The following INSR variants were observed in gnomAD, a reference collection of about 807,000 sequenced individuals.
The protein encoded by INSR is IR.
INSR carries 67 observed loss-of-function variants against 142.6 expected under a neutral mutation model. The ratio of observed to expected loss-of-function variants is 0.47; its 90% CI spans 0.39 to 0.58. The LOEUF (loss-of-function observed/expected upper bound fraction) is 0.58. INSR is among the 20% of genes least tolerant of loss of function. INSR has a pLI of 0.00. For synonymous variants in INSR, 756 were observed against 743.1 expected, an observed-to-expected ratio of 1.02 and a Z score of -0.28; for missense variants, 1,248 against 1,833.2, an observed-to-expected ratio of 0.68 and a Z score of 5.83.
At chr19:7,136,242 C>T (rs1016154699) in intron 13 of INSR, among the ~76,000 whole-genome samples, 5 of 152,074 alleles carry the variant, frequency 3.3e-5, no homozygotes, top group Non-Finnish European at 7.3e-5. Context: ...AGGTGAGAGC[C>T]ACTCAAGGGT....
chr19:7,191,141 A>G (rs999176995), intron 2 of INSR, among the ~76,000 whole-genome samples: 1 of 152,080 alleles, frequency 6.6e-6, no homozygotes, highest in Admixed American at 6.6e-5. Flanking sequence ...TACTAAAAAT[A>G]CAAAAATTAT....
intron 13 of INSR, among the ~76,000 whole-genome samples, chr19:7,137,798 CAAAAAA>C (rs1176523364): frequency 9.6e-5 from 4 of 41,482 alleles, no homozygotes; most frequent in African/African-American, 4.1e-4. Context: ...GACTCCATCT[CAAAAAA>C]AAAAAAAAAA....
chr19:7,289,643 G>T (rs1968438496), intron 1 of INSR, among the ~76,000 whole-genome samples: 1 of 151,834 alleles, frequency 6.6e-6, no homozygotes, highest in African/African-American at 2.4e-5. Flanking sequence ...TGACCTCAGG[G>T]GATCCGCCCA....
rs111970844 is a variant in INSR at position 7,206,562 on chromosome 19, T to C, written c.653-21925A>G. On this transcript the variant is annotated intron_variant, in intron 2 of 21. Transcript: ENST00000302850. ...ATTCTCCTAGGAGCGTGAACCCTAT[T>C]GTGAACTGTGCATGCGAGGGATCTG... Among the ~76,000 whole-genome samples, 662 of 152,308 alleles carry C rather than the reference T, an allele frequency of 4.3e-3. 1 individual carries two copies. The highest frequency in any genetic ancestry group is 6.8e-3 in the Non-Finnish European group (461 of 68,026).
chr19:7,275,639 G>C (rs548606531), intron 1 of INSR, among the ~76,000 whole-genome samples: 4 of 151,934 alleles, frequency 2.6e-5, no homozygotes, highest in Non-Finnish European at 4.4e-5. Flanking sequence ...AAAACTTAGC[G>C]GGGTCGGGGG....
At position 7,166,959 on chromosome 19, in the gene INSR, C is replaced by A. The variant is rs2144940921; in HGVS notation, c.1611-555G>T. Among the ~76,000 whole-genome samples, 1 of 148,874 alleles carries A rather than the reference C, an allele frequency of 6.7e-6. No individual in the cohort carries two copies. The highest frequency in any genetic ancestry group is 2.2e-4 in the South Asian group (1 of 4,614). Reference sequence around the variant, plus strand: ...TAAATAAATAAATAAATGCTTGGGACCAGAAGTGTTTTGGATTTTGGATAT... The same window carrying A: ...TAAATAAATAAATAAATGCTTGGGAACAGAAGTGTTTTGGATTTTGGATAT... On this transcript the variant is annotated intron_variant, in intron 7 of 21. Coordinates refer to ENST00000302850, the MANE Select transcript of INSR (RefSeq NM_000208.4). This position sits in a 1 kb window ranked among gnomAD's most constrained non-coding sequence, Gnocchi z 4.1.
intron 2 of INSR, among the ~76,000 whole-genome samples, chr19:7,264,369 CT>C (rs1472702677): frequency 6.6e-6 from 1 of 152,120 alleles, no homozygotes; most frequent in Non-Finnish European, 1.5e-5. Flanking sequence ...GCAACAACAA[CT>C]GAACACCCAG....
intron 2 of INSR, among the ~76,000 whole-genome samples, chr19:7,244,882 T>G (rs1326208612): frequency 6.6e-6 from 1 of 151,858 alleles, no homozygotes; most frequent in Non-Finnish European, 1.5e-5. Flanking sequence ...ATGTTTTTAA[T>G]TAAATTTTTA....
At chr19:7,260,745 C>T (rs1977031627) in intron 2 of INSR, among the ~76,000 whole-genome samples, 1 of 152,000 alleles carries the variant, frequency 6.6e-6, no homozygotes, top group African/African-American at 2.4e-5. Context: ...ATTCAACCCC[C>T]ACACCACCAC....
rs1246265183 is a variant in INSR, at chr19:7,174,512, C to A, written c.1123+71G>T. 3 of 1,574,746 alleles carry A rather than the reference C, an allele frequency of 1.9e-6. No homozygotes were observed. In the Admixed American group the frequency reaches 5.0e-5, roughly 26 times the overall value. On this transcript the variant is annotated intron_variant, in intron 4 of 21. Transcript: ENST00000302850. Reference sequence around the variant, plus strand: ...ACGCAGCAGGGTCTGCACTGCTTTTCTTCCCCGCTCACAGCTCAGAGGGAC... The same window carrying A: ...ACGCAGCAGGGTCTGCACTGCTTTTATTCCCCGCTCACAGCTCAGAGGGAC...
At chr19:7,262,554 G>T (rs1439887572) in intron 2 of INSR, among the ~76,000 whole-genome samples, 1 of 152,192 alleles carries the variant, frequency 6.6e-6, no homozygotes, top group Non-Finnish European at 1.5e-5. Context: ...TGCGTCAACA[G>T]CAGTGGCCCT....
chr19:7,231,301 T>G (rs74827154), intron 2 of INSR, among the ~76,000 whole-genome samples: 2,114 of 100,932 alleles, frequency 0.021, 30 homozygotes, highest in Non-Finnish European at 0.038. Flanking sequence ...TTTTGTTTTT[T>G]TTTTTTTTTT....
chr19:7,146,701 G>A (rs1973195314), intron 11 of INSR, among the ~76,000 whole-genome samples: 1 of 152,124 alleles, frequency 6.6e-6, no homozygotes, highest in Non-Finnish European at 1.5e-5. Context: ...TGGGCCAAGG[G>A]ACTTTTTTGA....
rs1250061465 is a variant in INSR, at chr19:7,122,884, C to T, written c.3364G>A (p.Ala1122Thr). 3.1e-6 allele frequency: 5 copies of T among 1,609,310 alleles called. No individual in the cohort carries two copies. The highest frequency in any genetic ancestry group is 4.2e-6 in the Non-Finnish European group (5 of 1,178,400). Residue 1122 changes from alanine to threonine, a missense_variant, in exon 18 of 22, where the codon GCT becomes ACT. Ala to Thr is a moderately conservative substitution (Grantham distance 58). This residue lies in a region of INSR where 1,069 missense variants were observed against 1,654.0 expected (regional missense o/e 0.65). Coordinates refer to ENST00000302850, the MANE Select transcript of INSR (RefSeq NM_000208.4). ...GGTCCCCCGAAGCAGCTTACCTCAG[C>T]CTCTGGCCGCAGAGAACGGAGGTAG... The part of the protein sequence containing the change: ...KSYLRSLRPE[A>T]ENNPGRPPPT...
intron 2 of INSR, among the ~76,000 whole-genome samples, chr19:7,254,826 G>A (rs1976839181): frequency 6.6e-6 from 1 of 152,210 alleles, no homozygotes; most frequent in Non-Finnish European, 1.5e-5. Context: ...GACATGGGAA[G>A]TAACCGGTCA....
Position 7,216,035 on chromosome 19 carries a change from G to C in INSR, c.653-31398C>G, listed in dbSNP as rs2145086313. 6.6e-6 allele frequency among the ~76,000 whole-genome samples: 1 copy of C among 151,970 alleles called. No individual in the cohort carries two copies. Among genetic ancestry groups the C allele is most frequent in the South Asian group, 2.1e-4 (1 of 4,800 alleles). On this transcript the variant is annotated intron_variant, in intron 2 of 21. Transcript: ENST00000302850. This position sits in a 1 kb window ranked among gnomAD's most constrained non-coding sequence, Gnocchi z 4.2. ...TGAGGGAAAAGTGGCTAAGAAGATG[G>C]AAGCAGGCTGGGCACGGTGGCTCAC...
At chr19:7,121,812 A>G (rs960849398) in intron 19 of INSR, among the ~76,000 whole-genome samples, 1 of 152,200 alleles carries the variant, frequency 6.6e-6, no homozygotes, top group Non-Finnish European at 1.5e-5. Flanking sequence ...TTATCAATAC[A>G]TGCAATTAAA....
intron 2 of INSR, among the ~76,000 whole-genome samples, chr19:7,198,320 G>C (rs1599995646): frequency 6.6e-6 from 1 of 152,000 alleles, no homozygotes; most frequent in East Asian, 1.9e-4. Flanking sequence ...AGTGGCCGCC[G>C]CCGGGCGGTC....
At chr19:7,132,396 C>T in intron 13 of INSR, 79 bp from the exon 14 acceptor site, 2 of 1,500,384 alleles carry the variant, frequency 1.3e-6, no homozygotes, top group South Asian at 2.4e-5. Context: ...AGGGAGCTCA[C>T]AGCCAGGATC....
Sources: allele counts gnomAD v4.1 joint callset (sites outside exome capture counted in the v4.1 genomes callset), GRCh38; gene constraint gnomAD v4.1.1; regional missense constraint gnomAD v4.1.1; non-coding constraint Gnocchi (gnomAD v3.1); transcripts MANE v1.5; gene names NCBI Gene and HGNC (gene_info 2026-07-23, HGNC 2026-07-21).